Variants in HIPK3 observed in about 807,000 individuals in gnomAD.
HIPK3 encodes homeodomain interacting protein kinase 3, also known as homeodomain-interacting protein kinase 3.
A neutral mutation model predicts 124.2 loss-of-function variants in HIPK3; 47 were observed. The observed-to-expected ratio is 0.38, with a 90% CI of 0.30 to 0.48. HIPK3 has a LOEUF of 0.48. Among genes scored for constraint, HIPK3 ranks in the 20% least tolerant of loss-of-function variants. HIPK3 has a pLI of 0.98. For synonymous variants in HIPK3, 482 were observed against 515.2 expected (o/e 0.94, Z 0.87); for missense variants, 1,286 against 1,454.3 (o/e 0.88, Z 1.88).
chr11:33,333,126 T>C (rs767577881), intron 3 of HIPK3, among the ~76,000 whole-genome samples: 1 of 152,142 alleles, frequency 6.6e-6, no homozygotes, highest in African/African-American at 2.4e-5. Flanking sequence ...TATTTCAACA[T>C]GAGATTTGGA....
chr11:33,292,328 G>A (rs185687583), intron 2 of HIPK3, among the ~76,000 whole-genome samples: 31 of 152,168 alleles, frequency 2.0e-4, no homozygotes, highest in African/African-American at 7.5e-4. Flanking sequence ...GAATACAAAG[G>A]TGATTTATGT....
At chr11:33,263,044 A>AT (rs930683609) in intron 1 of HIPK3, among the ~76,000 whole-genome samples, 7 of 151,878 alleles carry the variant, frequency 4.6e-5, no homozygotes, top group African/African-American at 1.2e-4. Flanking sequence ...GAATTTTTTC[A>AT]TTTTTTGTAG....
intron 2 of HIPK3, among the ~76,000 whole-genome samples, chr11:33,299,861 A>G (rs1851945530): frequency 6.6e-6 from 1 of 150,950 alleles, no homozygotes; most frequent in Non-Finnish European, 1.5e-5. Flanking sequence ...TCATCTCTAC[A>G]AAAACACAAA....
intron 2 of HIPK3, among the ~76,000 whole-genome samples, chr11:33,293,174 T>TAA (rs1851746157): frequency 6.6e-6 from 1 of 152,192 alleles, no homozygotes; most frequent in African/African-American, 2.4e-5. Context: ...GCTCTTAAGT[T>TAA]TTTTTGTTTT....
intron 1 of HIPK3, among the ~76,000 whole-genome samples, chr11:33,282,937 T>C (rs1238003296): frequency 6.6e-6 from 1 of 152,130 alleles, no homozygotes; most frequent in Non-Finnish European, 1.5e-5. Context: ...CAGATAAGAT[T>C]GGAAGCCTCA....
At chr11:33,311,699 T>A (rs1306613481) in intron 2 of HIPK3, among the ~76,000 whole-genome samples, 1 of 151,978 alleles carries the variant, frequency 6.6e-6, no homozygotes, top group Non-Finnish European at 1.5e-5. Flanking sequence ...CCCTTTTTTG[T>A]TTTTGTTTTT....
chr11:33,268,591 C>CAAAAA (rs35408664), intron 1 of HIPK3, among the ~76,000 whole-genome samples: 4 of 76,006 alleles, frequency 5.3e-5, no homozygotes, highest in Admixed American at 1.6e-4. Context: ...ACTCCGTCAC[C>CAAAAA]AAAAAAAAAA....
At position 33,353,228 on chromosome 11, in the gene HIPK3, A is replaced by C; in HGVS notation, c.3308A>C (p.His1103Pro). 6.2e-7 allele frequency: 1 copy of C among 1,614,112 alleles called. No homozygotes were observed. Among genetic ancestry groups the C allele is most frequent in the East Asian group, 2.2e-5 (1 of 44,890 alleles). ...GGAAGTCCCAATCACACAGCAGTGC[A>C]TGCCCACCTGGCTGGAAATACACAC... ...SHGSPNHTAV[H>P]AHLAGNTHLG... The change falls in exon 17 of 17, where the codon CAT (histidine) becomes CCT (proline). Residue 1103 changes from histidine (H) to proline (P), a missense_variant. By Grantham distance (77) the His-to-Pro change is moderately conservative. Coordinates refer to ENST00000303296, the MANE Select transcript of HIPK3 (RefSeq NM_005734.5).
chr11:33,317,170 C>T (rs1004442315), intron 2 of HIPK3, among the ~76,000 whole-genome samples: 7 of 151,762 alleles, frequency 4.6e-5, no homozygotes, highest in East Asian at 3.9e-4. Context: ...GGGGTTTTGC[C>T]GTATTGGCCA....
intron 6 of HIPK3, among the ~76,000 whole-genome samples, chr11:33,339,999 C>A (rs1853282069): frequency 6.6e-6 from 1 of 152,038 alleles, no homozygotes; most frequent in Admixed American, 6.6e-5. Flanking sequence ...TTTCATGGGT[C>A]AGTAGATCAT....
chr11:33,348,136 A>G, intron 11 of HIPK3, 30 bp from the exon 12 acceptor site: 2 of 1,612,652 alleles, frequency 1.2e-6, no homozygotes, highest in African/African-American at 1.3e-5. Context: ...TGTTACAAAC[A>G]CTAAGCCAGC....
chr11:33,310,497 T>C (rs907467892), intron 2 of HIPK3, among the ~76,000 whole-genome samples: 1 of 151,688 alleles, frequency 6.6e-6, no homozygotes, highest in Non-Finnish European at 1.5e-5. Context: ...TTAGTAGAGA[T>C]GGGGTTTTGC....
intron 2 of HIPK3, among the ~76,000 whole-genome samples, chr11:33,302,316 AAC>A (rs1285056704): frequency 2.0e-5 from 3 of 147,832 alleles, no homozygotes; most frequent in African/African-American, 7.5e-5. Flanking sequence ...CTCTCCAATG[AAC>A]TTCTCTATGA....
chr11:33,334,665 TCA>T (rs1404419028), intron 3 of HIPK3, among the ~76,000 whole-genome samples: 3 of 143,520 alleles, frequency 2.1e-5, no homozygotes, highest in Admixed American at 7.0e-5. Context: ...AAAAAAAAAA[TCA>T]CAAAAAAATC....
intron 1 of HIPK3, among the ~76,000 whole-genome samples, chr11:33,262,265 A>G (rs1850845793): frequency 6.6e-6 from 1 of 152,192 alleles, no homozygotes; most frequent in Non-Finnish European, 1.5e-5. Context: ...ACAACTTAAT[A>G]TTAGTGTGCT....
In HIPK3 at chr11:33,353,578, T is replaced by C; in HGVS notation, c.*10T>C. On this transcript the variant is annotated 3_prime_UTR_variant, in exon 17 of 17. Coordinates refer to ENST00000303296, the MANE Select transcript of HIPK3 (RefSeq NM_005734.5). Reference sequence around the variant, plus strand: ...GTATCCATATATGTGAAAAACAGTATATTGGGGAAGCTCAATGATACAAAC... The same window carrying C: ...GTATCCATATATGTGAAAAACAGTACATTGGGGAAGCTCAATGATACAAAC... The C allele has an allele frequency of 1.3e-6, 2 of 1,489,406 alleles. No individual in the cohort carries two copies. Among genetic ancestry groups the C allele is most frequent in the South Asian group, 1.1e-5 (1 of 88,324 alleles). The allele number at this position is 1,489,406 out of a possible 1,614,324, so 92.3% of individuals were successfully genotyped here. A position where few individuals can be genotyped will look rare whatever the true frequency, so the allele number is the denominator to read the frequency against.
chr11:33,335,665 G>A (rs928945776), intron 3 of HIPK3: 3 of 151,772 alleles, frequency 2.0e-5, no homozygotes, highest in African/African-American at 7.3e-5. Context: ...TAGGATAGAA[G>A]ATATTGAACA....
chr11:33,353,242 G>A lies in HIPK3; in HGVS notation c.3322G>A (p.Gly1108Arg). 1 of 1,614,064 alleles carries A rather than the reference G, an allele frequency of 6.2e-7. No individual in the cohort carries two copies. The highest frequency in any genetic ancestry group is 1.1e-5 in the South Asian group (1 of 91,076). Residue 1108 changes from glycine to arginine, a missense_variant, in exon 17 of 17, where the codon GGA (glycine) becomes AGA (arginine). Physicochemically the swap from Gly to Arg is moderately radical, Grantham distance 125. Coordinates refer to ENST00000303296, the MANE Select transcript of HIPK3 (RefSeq NM_005734.5). ...NHTAVHAHLA[G>R]NTHLGGQPTL... ...CACAGCAGTGCATGCCCACCTGGCT[G>A]GAAATACACACCTCGGAGGACAGCC...
chr11:33,264,053 A>C (rs993659771), intron 1 of HIPK3, among the ~76,000 whole-genome samples: 1 of 152,178 alleles, frequency 6.6e-6, no homozygotes, highest in Non-Finnish European at 1.5e-5. Context: ...TCTGATATCT[A>C]TGTCTGTCAC....
Sources: allele counts gnomAD v4.1 joint callset (sites outside exome capture counted in the v4.1 genomes callset), GRCh38; gene constraint gnomAD v4.1.1; transcripts MANE v1.5; gene names NCBI Gene and HGNC (gene_info 2026-07-23, HGNC 2026-07-21).